STARD9: variants seen among roughly 807,000 people sequenced by gnomAD.
STARD9 encodes StAR related lipid transfer domain containing 9, also known as stAR-related lipid transfer protein 9.
STARD9 carries 346 observed loss-of-function variants against 399.8 expected under a neutral mutation model. The ratio of observed to expected loss-of-function variants is 0.87; its 90% CI spans 0.79 to 0.95. STARD9 has a LOEUF of 0.95. Ranked by LOEUF, STARD9 falls within the 40% of genes least tolerant of loss-of-function variation. The pLI is 0.00. For missense variants in STARD9, 5,832 were observed against 5,667.5 expected (o/e 1.03, Z -0.93); for synonymous variants, 2,203 against 2,143.5 (o/e 1.03, Z -0.77).
intron 3 of STARD9, among the ~76,000 whole-genome samples, chr15:42,605,707 C>T (rs1200459552): frequency 6.6e-6 from 1 of 152,188 alleles, no homozygotes; most frequent in Admixed American, 6.5e-5. Context: ...GGGATATGCG[C>T]TGAATTGGTG....
rs1566924176 is a variant in STARD9, at chr15:42,674,509, T to A, written c.1549+18T>A. The A allele has an allele frequency of 6.5e-7, 1 of 1,536,032 alleles. No homozygotes were observed. Among genetic ancestry groups the A allele is most frequent in the Non-Finnish European group, 8.7e-7 (1 of 1,145,836 alleles). On this transcript the variant is annotated intron_variant, in intron 17 of 32. Coordinates refer to ENST00000290607, the MANE Select transcript of STARD9 (RefSeq NM_020759.3). ...GGACATTGGTAAGTGGCAGAGTATA[T>A]GAGTCCAGCATTTTGGGGCTAGTAT...
intron 3 of STARD9, among the ~76,000 whole-genome samples, chr15:42,614,368 A>G (rs764673187): frequency 4.6e-5 from 7 of 152,098 alleles, no homozygotes; most frequent in African/African-American, 1.7e-4. Flanking sequence ...GCAGTTCAGT[A>G]GAAAAACAGT....
chr15:42,592,434 CTTTTTCT>C (rs1398318097), intron 3 of STARD9, among the ~76,000 whole-genome samples: 2 of 151,796 alleles, frequency 1.3e-5, no homozygotes, highest in South Asian at 2.1e-4. Flanking sequence ...TGTTTTTTTT[CTTTTTCT>C]TTTTTCTTTT....
Position 42,694,319 on chromosome 15 carries a change from C to T in STARD9, c.12741C>T (p.Ser4247=). ...EALAADEPVT[S]TWKELYARQK... Reference sequence around the variant, plus strand: ...TTGCTGCTGATGAACCTGTGACATCCACCTGGAAGGAGCTCTATGCACGGT... The same window carrying T: ...TTGCTGCTGATGAACCTGTGACATCTACCTGGAAGGAGCTCTATGCACGGT... The change falls in exon 23 of 33, where the codon TCC becomes TCT. Residue 4247 remains serine, a synonymous_variant. Coordinates refer to ENST00000290607, the MANE Select transcript of STARD9 (RefSeq NM_020759.3). The T allele has an allele frequency of 6.6e-7, 1 of 1,520,460 alleles. No homozygotes were observed. The highest frequency in any genetic ancestry group is 8.8e-7 in the Non-Finnish European group (1 of 1,137,480). The allele number at this position is 1,520,460 out of a possible 1,614,324, so 94.2% of individuals were successfully genotyped here.
At chr15:42,674,643 G>A (rs1228526434) in intron 17 of STARD9, among the ~76,000 whole-genome samples, 152 bp downstream of exon 17, 4 of 152,190 alleles carry the variant, frequency 2.6e-5, no homozygotes, top group African/African-American at 7.2e-5. Flanking sequence ...TCAGGTCTGG[G>A]ACGTCACAGG....
At chr15:42,699,314 C>T (rs1314097474) in intron 26 of STARD9, among the ~76,000 whole-genome samples, 1 of 151,886 alleles carries the variant, frequency 6.6e-6, no homozygotes, top group African/African-American at 2.4e-5. Flanking sequence ...CTCCCCATTC[C>T]CTCTTCCTGA....
At chr15:42,587,555 TTATG>T (rs777227314) in intron 3 of STARD9, among the ~76,000 whole-genome samples, 49 of 151,994 alleles carry the variant, frequency 3.2e-4, no homozygotes, top group Non-Finnish European at 5.9e-4. Flanking sequence ...GGCCCTTGAT[TTATG>T]TATTTATTTA....
intron 26 of STARD9, among the ~76,000 whole-genome samples, chr15:42,708,438 G>A (rs1434277556): frequency 2.0e-5 from 3 of 152,204 alleles, no homozygotes; most frequent in Admixed American, 6.5e-5. Flanking sequence ...AGTAGCTGCA[G>A]CTACTCAAAT....
chr15:42,717,892 G>T, intron 29 of STARD9, 85 bp from the exon 30 acceptor site: 1 of 1,502,536 alleles, frequency 6.7e-7, no homozygotes, highest in East Asian at 2.5e-5. Context: ...GATTCCTCAA[G>T]TCTTCACTCT....
rs1276023478 is a variant in STARD9 at position 42,689,636 on chromosome 15, G to A, written c.8058G>A (p.Ala2686=). ...GTACTGGAGAACTGAGGCAGTTCGC[G>A]GGAGCAAGTGAACCATTTATATGTC... ...KRRTGELRQF[A]GASEPFICHS... is the part of the protein sequence containing the mutation. Residue 2686 remains alanine (A), a synonymous_variant, in exon 23 of 33, where the codon GCG becomes GCA. Coordinates refer to ENST00000290607, the MANE Select transcript of STARD9 (RefSeq NM_020759.3). The A allele has an allele frequency of 5.9e-6, 9 of 1,537,440 alleles. No homozygotes were observed. In the Admixed American group the frequency reaches 7.8e-5, roughly 13 times the overall value.
chr15:42,694,509 GAATC>G lies in STARD9; in HGVS notation c.12765-18_12765-15del. The G allele has an allele frequency of 6.5e-7, 1 of 1,536,708 alleles. No homozygotes were observed. Among genetic ancestry groups the G allele is most frequent in the Non-Finnish European group, 8.7e-7 (1 of 1,146,550 alleles). ...AAGGACATTCAGGGCCAGCTTCAGC[GAATC>G]GTGTTTTGCCTCAGGCAAAAAAAGG... On this transcript the variant is annotated splice_polypyrimidine_tract_variant and intron_variant, in intron 23 of 32. Coordinates refer to ENST00000290607, the MANE Select transcript of STARD9 (RefSeq NM_020759.3).
chr15:42,685,729 A>T lies in STARD9; in HGVS notation c.4151A>T (p.Lys1384Met). ...TACTGGCCAAATACTGAGGAACTAA[A>T]GCCATCAGATGCAGAAACGGTTCTG... ...PGYWPNTEEL[K>M]PSDAETVLPY... Residue 1384 changes from lysine to methionine, a missense_variant, in exon 23 of 33, where the codon AAG becomes ATG. By Grantham distance (95) the Lys-to-Met change is moderately conservative (BLOSUM62 -1). This residue lies in a region of STARD9 where 5,828 missense variants were observed against 5,651.1 expected (regional missense o/e 1.03). Transcript: ENST00000290607. The T allele has an allele frequency of 6.5e-7, 1 of 1,537,490 alleles. No individual in the cohort carries two copies. Among genetic ancestry groups the T allele is most frequent in the Non-Finnish European group, 8.7e-7 (1 of 1,146,976 alleles).
At chr15:42,615,339 T>C (rs1044995518) in intron 3 of STARD9, among the ~76,000 whole-genome samples, 4 of 152,056 alleles carry the variant, frequency 2.6e-5, no homozygotes, top group Non-Finnish European at 4.4e-5. Context: ...GAAACATTGT[T>C]AGTAAGGATA....
At chr15:42,593,457 C>T (rs529350871) in intron 3 of STARD9, among the ~76,000 whole-genome samples, 10 of 151,946 alleles carry the variant, frequency 6.6e-5, no homozygotes, top group Admixed American at 2.0e-4. Flanking sequence ...AAAAGCTAAC[C>T]GCTCTTCATG....
At chr15:42,635,470 C>T (rs3106285) in intron 4 of STARD9, among the ~76,000 whole-genome samples, 90,986 of 151,618 alleles carry the variant, frequency 0.6, 33,229 homozygotes, top group East Asian at 0.8. Context: ...GCTGGGACTA[C>T]AGGCACCCGC....
At chr15:42,682,965 C>G (rs1346827513) in intron 22 of STARD9, among the ~76,000 whole-genome samples, 1 of 152,190 alleles carries the variant, frequency 6.6e-6, no homozygotes, top group Non-Finnish European at 1.5e-5. Flanking sequence ...CCCTCCCTCT[C>G]CCTCCTCGAC....
chr15:42,715,893 G>T (rs1042336697), intron 26 of STARD9, among the ~76,000 whole-genome samples: 1 of 152,186 alleles, frequency 6.6e-6, no homozygotes, highest in Non-Finnish European at 1.5e-5. Flanking sequence ...CAAGTGAAGA[G>T]ACTGGTGATC....
Position 42,693,440 on chromosome 15 carries a change from C to A in STARD9, c.11862C>A (p.Thr3954=). 1 of 1,537,202 alleles carries A rather than the reference C, an allele frequency of 6.5e-7. No individual in the cohort carries two copies. Among genetic ancestry groups the A allele is most frequent in the South Asian group, 1.2e-5 (1 of 84,056 alleles). ...PRTPMDNYSQ[T]TDELGGSQRG... ...CTCCAATGGATAATTATTCCCAAACCACTGACGAGTTAGGTGGCTCCCAGA... is the reference window on the plus strand; with the variant it reads ...CTCCAATGGATAATTATTCCCAAACAACTGACGAGTTAGGTGGCTCCCAGA... Residue 3954 remains threonine, a synonymous_variant, in exon 23 of 33, where the codon ACC becomes ACA. Coordinates refer to ENST00000290607, the MANE Select transcript of STARD9 (RefSeq NM_020759.3).
At chr15:42,641,909 T>A (rs1237668857) in intron 7 of STARD9, among the ~76,000 whole-genome samples, 1 of 151,878 alleles carries the variant, frequency 6.6e-6, no homozygotes, top group African/African-American at 2.4e-5. Flanking sequence ...CGGCTGACAT[T>A]TCTTAATGAA....
Sources: allele counts gnomAD v4.1 joint callset (sites outside exome capture counted in the v4.1 genomes callset), GRCh38; gene constraint gnomAD v4.1.1; regional missense constraint gnomAD v4.1.1; transcripts MANE v1.5; gene names NCBI Gene and HGNC (gene_info 2026-07-23, HGNC 2026-07-21).